SMC6: variants seen among roughly 807,000 people sequenced by gnomAD.
SMC6 encodes the protein structural maintenance of chromosomes 6, also known as structural maintenance of chromosomes protein 6.
In SMC6, 79 loss-of-function variants were observed where a neutral mutation model predicts 142.2. The ratio of observed to expected loss-of-function variants is 0.56; its 90% confidence interval spans 0.46 to 0.67. SMC6 has a LOEUF of 0.67. Among genes scored for constraint, SMC6 ranks in the 30% least tolerant of loss-of-function variants. The pLI is 0.00. For missense variants in SMC6, 1,072 were observed against 1,284.0 expected, an observed-to-expected ratio of 0.83 and a Z score of 2.52; for synonymous variants, 411 against 412.4, an observed-to-expected ratio of 1.00 and a Z score of 0.04.
chr2:17,707,377 A>C lies in SMC6; in HGVS notation c.1848T>G (p.Asn616Lys), dbSNP rs1668558175. 6.7e-7 allele frequency: 1 copy of C among 1,492,044 alleles called. No individual in the cohort carries two copies. The highest frequency in any genetic ancestry group is 2.5e-5 in the East Asian group (1 of 40,502). 92.4% of individuals were successfully genotyped at this position (1,492,044 alleles called of 1,614,324 possible). A position where few individuals can be genotyped will look rare whatever the true frequency, so the allele number is the denominator to read the frequency against. ...GCATTACTGCACGAGCTACAGAATT[A>C]TTCTAAAAGAATAGAAGAAAATAAA... ...RGIETVLLIK[N>K]NSVARAVMQS... Residue 616 changes from asparagine (N) to lysine (K), a missense_variant and splice_region_variant, in exon 18 of 28, where the codon AAT (asparagine) becomes AAG (lysine). Asn to Lys is a moderately conservative substitution (Grantham distance 94). Transcript: ENST00000448223.
At chr2:17,731,238 C>A in intron 6 of SMC6, 99 bp from the exon 7 acceptor site, 1 of 756,990 alleles carries the variant, frequency 1.3e-6, no homozygotes, top group South Asian at 1.7e-5. Context: ...AGTTAGCTTT[C>A]ATTGCATCAT....
At chr2:17,751,005 CAAAAAAAA>C (rs34661130) in intron 2 of SMC6, among the ~76,000 whole-genome samples, 1 of 53,788 alleles carries the variant, frequency 1.9e-5, no homozygotes, top group Non-Finnish European at 3.1e-5. Flanking sequence ...ACAGCTGTCT[CAAAAAAAA>C]AAAAAAAAAA....
intron 8 of SMC6, 117 bp from the exon 9 acceptor site, chr2:17,725,475 C>T: frequency 3.3e-6 from 2 of 613,270 alleles, no homozygotes; most frequent in South Asian, 4.8e-5. Flanking sequence ...TGTAAAAAGA[C>T]ATTAAAAACG....
intron 23 of SMC6, among the ~76,000 whole-genome samples, chr2:17,694,031 A>T (rs1484974643): frequency 6.8e-6 from 1 of 146,118 alleles, no homozygotes; most frequent in Non-Finnish European, 1.5e-5. Context: ...AAAAGAATGA[A>T]ATCCTGTCAT....
intron 23 of SMC6, among the ~76,000 whole-genome samples, chr2:17,691,604 T>G (rs201691309): frequency 1.3e-5 from 2 of 151,432 alleles, no homozygotes; most frequent in African/African-American, 2.4e-5. Flanking sequence ...CCACAGCCAA[T>G]ATCATACTGA....
At chr2:17,731,205 G>C (rs2125045405) in intron 6 of SMC6, 66 bp from the exon 7 acceptor site, 1 of 1,051,766 alleles carries the variant, frequency 9.5e-7, no homozygotes, top group Non-Finnish European at 1.4e-6. Flanking sequence ...AAAATGTATA[G>C]TTACTTACAA....
At chr2:17,681,573 A>C (rs1667239447) in intron 24 of SMC6, 1 of 152,156 alleles carries the variant, frequency 6.6e-6, no homozygotes, top group African/African-American at 2.4e-5. Flanking sequence ...GCCTAATTTC[A>C]ATATTGCTGT....
chr2:17,693,955 A>T (rs1183457469), intron 23 of SMC6, among the ~76,000 whole-genome samples: 3 of 147,238 alleles, frequency 2.0e-5, no homozygotes. Flanking sequence ...AGCCGAGATC[A>T]CGCCATTGCA....
intron 20 of SMC6, 55 bp from the exon 21 acceptor site, chr2:17,700,433 T>C (rs1466756632): frequency 4.0e-5 from 54 of 1,345,928 alleles, no homozygotes; most frequent in Non-Finnish European, 5.0e-5. Context: ...AGTTTTCAAA[T>C]AGAAGAAACA....
intron 7 of SMC6, 150 bp downstream of exon 7, chr2:17,730,928 T>G: frequency 3.0e-6 from 2 of 663,234 alleles, no homozygotes; most frequent in South Asian, 1.7e-5. Flanking sequence ...TAGTAAATTT[T>G]AAACAACTTC....
rs548087102 is a variant in SMC6 at position 17,709,404 on chromosome 2, T to C, written c.1731-651A>G. ...TTGGGCTCATGAAAGAGACAATCTT[T>C]CAACTAAAATGTAAACATGTGAGCT... On this transcript the variant is annotated intron_variant, in intron 16 of 27. Coordinates refer to ENST00000448223, the MANE Select transcript of SMC6 (RefSeq NM_001142286.2). Among the ~76,000 whole-genome samples, 14 of 152,290 alleles carry C rather than the reference T, an allele frequency of 9.2e-5. No individual in the cohort carries two copies. The South Asian group carries it at 2.9e-3, about 32-fold the overall frequency.
chr2:17,720,455 C>T (rs995463760), intron 11 of SMC6, among the ~76,000 whole-genome samples: 1 of 152,166 alleles, frequency 6.6e-6, no homozygotes. Context: ...ATATGAAATC[C>T]TCTGACATGC....
chr2:17,692,403 A>T (rs1299804445), intron 23 of SMC6, among the ~76,000 whole-genome samples: 3 of 152,230 alleles, frequency 2.0e-5, no homozygotes, highest in Non-Finnish European at 2.9e-5. Flanking sequence ...ATAATGCCGC[A>T]TATCTACAAC....
chr2:17,688,750 GA>G (rs953669091), intron 23 of SMC6, among the ~76,000 whole-genome samples: 2 of 151,698 alleles, frequency 1.3e-5, no homozygotes, highest in Non-Finnish European at 2.9e-5. Flanking sequence ...CTAAATACCA[GA>G]AAAAAAATAA....
At position 17,703,236 on chromosome 2, in the gene SMC6, T is replaced by C; in HGVS notation, c.2063A>G (p.His688Arg). Residue 688 changes from histidine (H) to arginine (R), a missense_variant, in exon 19 of 28, where the codon CAT becomes CGT. Physicochemically the swap from His to Arg is conservative, Grantham distance 29. Around this residue, in one of 3 missense-constraint regions of SMC6, gnomAD observed 994 missense variants for 1,153.2 expected, o/e 0.86. Coordinates refer to ENST00000448223, the MANE Select transcript of SMC6 (RefSeq NM_001142286.2). Reference sequence around the variant, plus strand: ...AATATCTTTTTCAAGGGCAGATAAATGTTGCTGAAGATTTAATATCTGGGC... The same window carrying C: ...AATATCTTTTTCAAGGGCAGATAAACGTTGCTGAAGATTTAATATCTGGGC... Reference protein sequence around the residue: ...KTAQILNLQQHLSALEKDIKH... With the variant: ...KTAQILNLQQRLSALEKDIKH... 1.9e-6 allele frequency: 3 copies of C among 1,606,846 alleles called. No individual in the cohort carries two copies. Among genetic ancestry groups the C allele is most frequent in the Admixed American group, 1.7e-5 (1 of 59,268 alleles).
chr2:17,745,145 A>C (rs1670678508), intron 3 of SMC6, among the ~76,000 whole-genome samples: 1 of 152,104 alleles, frequency 6.6e-6, no homozygotes. Flanking sequence ...CTGCAACCAT[A>C]TCTATTAGGT....
chr2:17,678,742 C>T (rs1473128742), intron 25 of SMC6, 117 bp downstream of exon 25: 8 of 704,214 alleles, frequency 1.1e-5, no homozygotes, highest in African/African-American at 1.1e-4. Context: ...TACCACTGCA[C>T]TCCAGCCTGG....
At chr2:17,708,318 G>GT (rs1413193056) in intron 17 of SMC6, among the ~76,000 whole-genome samples, 2 of 152,000 alleles carry the variant, frequency 1.3e-5, no homozygotes, top group Non-Finnish European at 2.9e-5. Context: ...ACAGATATCT[G>GT]TAAGGGCAAA....
chr2:17,690,681 T>C (rs913358678), intron 23 of SMC6, among the ~76,000 whole-genome samples: 1 of 151,984 alleles, frequency 6.6e-6, no homozygotes, highest in Admixed American at 6.6e-5. Context: ...AAAATCTGCA[T>C]AATGTACCGA....
Sources: gnomAD v4.1 joint callset for allele counts (sites outside exome capture counted in the v4.1 genomes callset) on GRCh38, gnomAD v4.1.1 for gene constraint, gnomAD v4.1.1 regional missense constraint, MANE v1.5 for transcripts, NCBI Gene and HGNC (gene_info 2026-07-23, HGNC 2026-07-21) for gene names.